SLC24A4: variants seen among roughly 807,000 people sequenced by gnomAD.
The protein encoded by SLC24A4 is solute carrier family 24 member 4.
In SLC24A4, 53 loss-of-function variants were observed where a neutral mutation model predicts 79.0. The observed-to-expected ratio is 0.67, with a 90% CI of 0.54 to 0.84. The LOEUF is 0.84. Ranked by LOEUF, SLC24A4 falls within the 40% of genes least tolerant of loss-of-function variation. The pLI, the probability that SLC24A4 is intolerant of heterozygous loss-of-function variation, is 0.00. For synonymous variants in SLC24A4, 323 were observed against 323.8 expected (o/e 1.00, Z 0.03); for missense variants, 731 against 822.0 (o/e 0.89, Z 1.35).
Position 92,398,274 on chromosome 14 carries a change from A to G in SLC24A4, c.242-35638A>G, listed in dbSNP as rs180687766. Reference sequence around the variant, plus strand: ...TGAGTGCTAGACTAAGGATGCCCTTATCTTCGGAGCAGTAGAGGTCACCGA... The same window carrying G: ...TGAGTGCTAGACTAAGGATGCCCTTGTCTTCGGAGCAGTAGAGGTCACCGA... On this transcript the variant is annotated intron_variant, in intron 2 of 16. Transcript: ENST00000532405. This position sits in a 1 kb window ranked among gnomAD's most constrained non-coding sequence, Gnocchi z 4.1. Among the ~76,000 whole-genome samples, 1 of 152,338 alleles carries G rather than the reference A, an allele frequency of 6.6e-6. No homozygotes were observed. Among genetic ancestry groups the G allele is most frequent in the Non-Finnish European group, 1.5e-5 (1 of 68,036 alleles).
chr14:92,327,230 C>G lies in SLC24A4; in HGVS notation c.241+1252C>G, dbSNP rs1018106504. 2.6e-5 allele frequency among the ~76,000 whole-genome samples: 4 copies of G among 152,176 alleles called. No individual in the cohort carries two copies. In the South Asian group the frequency reaches 6.2e-4, roughly 24 times the overall value. On this transcript the variant is annotated intron_variant, in intron 2 of 16. Coordinates refer to ENST00000532405, the MANE Select transcript of SLC24A4 (RefSeq NM_153646.4). ...TATCAGCTTCCCTGCCCTCAGATGC[C>G]TTCTGAGAAGTCCACCGGGAGGGAC...
At chr14:92,423,398 G>A (rs1349178363) in intron 2 of SLC24A4, among the ~76,000 whole-genome samples, 3 of 152,202 alleles carry the variant, frequency 2.0e-5, no homozygotes, top group Non-Finnish European at 1.5e-5. Context: ...GCCTGCCTCG[G>A]CCTTTCAAAG....
chr14:92,434,231 A>G (rs1158656576), intron 3 of SLC24A4, among the ~76,000 whole-genome samples: 1 of 151,892 alleles, frequency 6.6e-6, no homozygotes, highest in African/African-American at 2.4e-5. Flanking sequence ...CCTGTACCCC[A>G]TTTTCTGCTT....
chr14:92,467,130 A>G (rs1207629232), intron 12 of SLC24A4, among the ~76,000 whole-genome samples: 1 of 152,198 alleles, frequency 6.6e-6, no homozygotes, highest in African/African-American at 2.4e-5. Flanking sequence ...TGGCTCTGCC[A>G]CTAATCTTAT....
chr14:92,426,028 G>A (rs1261122112), intron 2 of SLC24A4, among the ~76,000 whole-genome samples: 2 of 152,004 alleles, frequency 1.3e-5, no homozygotes, highest in Non-Finnish European at 2.9e-5. Context: ...ATAAATGGAG[G>A]GTTAAGTGAC....
intron 2 of SLC24A4, among the ~76,000 whole-genome samples, chr14:92,381,592 G>C (rs1196885130): frequency 6.6e-6 from 1 of 152,020 alleles, no homozygotes; most frequent in Non-Finnish European, 1.5e-5. Context: ...ATGTATCCTA[G>C]AACTTAAAGT....
intron 2 of SLC24A4, among the ~76,000 whole-genome samples, chr14:92,346,694 G>A (rs1886551965): frequency 1.3e-5 from 2 of 152,174 alleles, no homozygotes; most frequent in South Asian, 2.1e-4. Context: ...CTAGGGCTGC[G>A]GTTCTCAACT....
intron 2 of SLC24A4, among the ~76,000 whole-genome samples, chr14:92,427,648 GGTGTATCAGTGA>G (rs112549430): frequency 0.081 from 12,332 of 152,152 alleles, 792 homozygotes; most frequent in African/African-American, 0.16. Flanking sequence ...AAAGGAGGTG[GGTGTATCAGTGA>G]GTGTTCCCTG....
intron 13 of SLC24A4, 53 bp from the exon 14 acceptor site, chr14:92,486,613 T>G: frequency 8.9e-7 from 1 of 1,129,256 alleles, no homozygotes; most frequent in Non-Finnish European, 1.3e-6. Context: ...GAATATTTCT[T>G]TAGTCCACAC....
At chr14:92,396,563 G>A (rs913426098) in intron 2 of SLC24A4, among the ~76,000 whole-genome samples, 6 of 152,152 alleles carry the variant, frequency 3.9e-5, no homozygotes, top group Non-Finnish European at 8.8e-5. Context: ...AATGGGGATG[G>A]AACCTACGAA....
intron 2 of SLC24A4, among the ~76,000 whole-genome samples, chr14:92,358,314 AT>A (rs1197636078): frequency 6.6e-6 from 1 of 152,330 alleles, no homozygotes; most frequent in East Asian, 1.9e-4. Context: ...GTTTATTTTA[AT>A]TACGTTGACC....
rs1477135320 is a variant in SLC24A4, at chr14:92,444,922, TACACACACATACACAC to T, written c.658-385_658-370del. ...CATATATACACACACACACCCTATA[TACACACACATACACAC>T]ACACACACACACACACACACACACA... On this transcript the variant is annotated intron_variant, in intron 7 of 16. Transcript: ENST00000532405. 1.7e-4 allele frequency among the ~76,000 whole-genome samples: 13 copies of T among 77,114 alleles called. No homozygotes were observed. In the South Asian group the frequency reaches 3.1e-3, roughly 19 times the overall value. 50.6% of individuals were successfully genotyped at this position (77,114 alleles called of 152,430 possible).
intron 12 of SLC24A4, among the ~76,000 whole-genome samples, chr14:92,474,293 T>C (rs1894591786): frequency 6.6e-6 from 1 of 152,188 alleles, no homozygotes. Context: ...ACATTTAATA[T>C]GTGTTGAGTT....
At chr14:92,456,236 CAT>C (rs1056933909) in intron 11 of SLC24A4, among the ~76,000 whole-genome samples, 166 bp from the exon 12 acceptor site, 1 of 152,206 alleles carries the variant, frequency 6.6e-6, no homozygotes, top group Non-Finnish European at 1.5e-5. Context: ...AGTGACCAAA[CAT>C]AGAAGGATTC....
At chr14:92,417,821 A>C (rs945919689) in intron 2 of SLC24A4, among the ~76,000 whole-genome samples, 1 of 152,388 alleles carries the variant, frequency 6.6e-6, no homozygotes, top group African/African-American at 2.4e-5. Flanking sequence ...GCTTTGGAGC[A>C]GCAGGCTTTA....
intron 2 of SLC24A4, among the ~76,000 whole-genome samples, chr14:92,374,238 T>G (rs947667043): frequency 6.6e-6 from 1 of 152,230 alleles, no homozygotes; most frequent in South Asian, 2.1e-4. Context: ...GTTCCTGAGG[T>G]AGGCCCCCAT....
chr14:92,425,051 G>A (rs925904696), intron 2 of SLC24A4, among the ~76,000 whole-genome samples: 3 of 152,156 alleles, frequency 2.0e-5, no homozygotes, highest in East Asian at 1.9e-4. Context: ...CATGAGATCC[G>A]GAGGGAACAA....
chr14:92,474,808 TATAC>T (rs1894647952), intron 12 of SLC24A4, among the ~76,000 whole-genome samples: 1 of 77,354 alleles, frequency 1.3e-5, no homozygotes, highest in Non-Finnish European at 2.6e-5. Context: ...TATATACATA[TATAC>T]ATATATATAC....
chr14:92,449,478 C>T (rs539244320), intron 10 of SLC24A4, among the ~76,000 whole-genome samples: 56 of 152,144 alleles, frequency 3.7e-4, no homozygotes, highest in Non-Finnish European at 6.6e-4. Context: ...ACCACAGCCA[C>T]GTTTCTGGGC....
Sources: allele counts gnomAD v4.1 joint callset (sites outside exome capture counted in the v4.1 genomes callset), GRCh38; gene constraint gnomAD v4.1.1; non-coding constraint Gnocchi (gnomAD v3.1); transcripts MANE v1.5; gene names NCBI Gene and HGNC (gene_info 2026-07-23, HGNC 2026-07-21).